Variants in NTMT2 observed in about 807,000 individuals in gnomAD.
NTMT2 encodes X-Pro-Lys N-terminal protein methyltransferase 1B.
In NTMT2, 21 loss-of-function variants were observed where a neutral mutation model predicts 23.4. The ratio of observed to expected loss-of-function variants is 0.90; its 90% CI spans 0.64 to 1.29. The LOEUF is 1.29. Ranked by LOEUF, NTMT2 falls within the 50% of genes most tolerant of loss-of-function variation. NTMT2 has a pLI of 0.00. For synonymous variants in NTMT2, 131 were observed against 127.7 expected, an observed-to-expected ratio of 1.03 and a Z score of -0.17; for missense variants, 336 against 352.0, an observed-to-expected ratio of 0.95 and a Z score of 0.36.
At position 170,166,796 on chromosome 1, in the gene NTMT2, C is replaced by A. The variant is rs750446009; in HGVS notation, c.580+45C>A. On this transcript the variant is annotated intron_variant, in intron 3 of 3. Transcript: ENST00000439373. The stretch of plus-strand genomic sequence containing the variant: ...CCCTCTGCTTTTCTCCCCTTCTCAG[C>A]CAGAGAAGACAGTCCTTGGGGCTAA... The A allele has an allele frequency of 3.2e-6, 5 of 1,543,260 alleles. No homozygotes were observed. The Admixed American group carries it at 5.9e-5, about 18-fold the overall frequency.
chr1:170,160,715 T>A, intron 2 of NTMT2, 22 bp downstream of exon 2: 1 of 1,503,812 alleles, frequency 6.6e-7, no homozygotes, highest in East Asian at 2.5e-5. Context: ...AACTGCAGCT[T>A]GATGAGAAGG....
At chr1:170,154,832 A>T (rs1305291604) in intron 1 of NTMT2, among the ~76,000 whole-genome samples, 10 of 152,132 alleles carry the variant, frequency 6.6e-5, no homozygotes, top group African/African-American at 2.2e-4. Flanking sequence ...GGGCAGAATC[A>T]TATGGTTTGG....
intron 1 of NTMT2, among the ~76,000 whole-genome samples, chr1:170,147,087 C>T (rs1168542998): frequency 6.6e-6 from 1 of 152,184 alleles, no homozygotes; most frequent in Non-Finnish European, 1.5e-5. Flanking sequence ...TTGAAAGCCC[C>T]ATTGTGCACT....
intron 1 of NTMT2, among the ~76,000 whole-genome samples, chr1:170,155,347 C>T (rs1673144369): frequency 6.6e-6 from 1 of 152,034 alleles, no homozygotes; most frequent in East Asian, 1.9e-4. Flanking sequence ...GAATGTCTTA[C>T]TCCAACTTTT....
intron 1 of NTMT2, among the ~76,000 whole-genome samples, chr1:170,146,988 G>T (rs942557375): frequency 1.3e-5 from 2 of 152,184 alleles, no homozygotes; most frequent in African/African-American, 4.8e-5. Flanking sequence ...CCATTAAAGA[G>T]TAAAATACCC....
intron 3 of NTMT2, 99 bp downstream of exon 3, chr1:170,166,850 G>C (rs998621613): frequency 4.9e-5 from 64 of 1,313,802 alleles, no homozygotes; most frequent in Non-Finnish European, 6.6e-5. Context: ...GTTAGCTGTA[G>C]TACTTCAAGC....
chr1:170,163,916 G>A lies in NTMT2; in HGVS notation c.331-2586G>A, dbSNP rs199930530. Among the ~76,000 whole-genome samples, 74 of 152,262 alleles carry A rather than the reference G, an allele frequency of 4.9e-4. 1 individual carries two copies. The East Asian group carries it at 0.013, about 27-fold the overall frequency. On this transcript the variant is annotated intron_variant, in intron 2 of 3. Coordinates refer to ENST00000439373, the MANE Select transcript of NTMT2 (RefSeq NM_001136107.2). ...GCGGGTGGCTCACCTGAGGTCAGGA[G>A]TTCCAGACCAGGCTGGCCAACATGG...
At chr1:170,147,107 C>T (rs1672978415) in intron 1 of NTMT2, among the ~76,000 whole-genome samples, 1 of 152,184 alleles carries the variant, frequency 6.6e-6, no homozygotes, top group African/African-American at 2.4e-5. Context: ...TTGATGTGGT[C>T]AGGGTTTCCA....
chr1:170,156,529 A>G (rs979263889), intron 1 of NTMT2, among the ~76,000 whole-genome samples: 1 of 152,174 alleles, frequency 6.6e-6, no homozygotes, highest in African/African-American at 2.4e-5. Flanking sequence ...CATTAAATAA[A>G]AAACAAATAG....
intron 1 of NTMT2, 63 bp downstream of exon 1, chr1:170,146,324 TG>T: frequency 6.9e-7 from 1 of 1,440,642 alleles, no homozygotes. Flanking sequence ...CATGAGGTCA[TG>T]GGGCTTCTAG....
Position 170,161,216 on chromosome 1 carries a change from G to A in NTMT2, c.330+523G>A, listed in dbSNP as rs918173224. On this transcript the variant is annotated intron_variant, in intron 2 of 3. Transcript: ENST00000439373. ...TGGGAGGCTGAGGCAGGAGAATGGC[G>A]TGAACCTGGGAGGCAGAGCTTGCAG... 4.6e-5 allele frequency among the ~76,000 whole-genome samples: 7 copies of A among 151,604 alleles called. No individual in the cohort carries two copies. In the Middle Eastern group the frequency reaches 0.01, roughly 221 times the overall value.
intron 2 of NTMT2, among the ~76,000 whole-genome samples, chr1:170,161,904 A>G (rs1444198324): frequency 2.0e-5 from 3 of 152,146 alleles, no homozygotes; most frequent in Non-Finnish European, 4.4e-5. Context: ...AGCCTGGCCA[A>G]TATGGTGAAA....
intron 2 of NTMT2, 126 bp downstream of exon 2, chr1:170,160,819 C>A: frequency 1.3e-6 from 1 of 742,550 alleles, no homozygotes; most frequent in Non-Finnish European, 2.0e-6. Flanking sequence ...CTGCCGCCTG[C>A]AAGCCGGTTT....
Position 170,166,741 on chromosome 1 carries a change from G to A in NTMT2, c.570G>A (p.Gln190=). The A allele has an allele frequency of 1.3e-6, 2 of 1,552,328 alleles. No homozygotes were observed. The highest frequency in any genetic ancestry group is 1.2e-5 in the South Asian group (1 of 84,056). The part of the protein sequence containing the change: ...PFRRYDVIWI[Q]WVSGHLTDKD... The stretch of plus-strand genomic sequence containing the variant: ...GGAGATATGATGTCATCTGGATTCA[G>A]TGGGTCTCTGGTTAGTCCTGCATGA... The change falls in exon 3 of 4, where the codon CAG becomes CAA. Residue 190 remains glutamine (Q), a synonymous_variant. Coordinates refer to ENST00000439373, the MANE Select transcript of NTMT2 (RefSeq NM_001136107.2).
intron 1 of NTMT2, among the ~76,000 whole-genome samples, chr1:170,159,147 G>A (rs1425304488): frequency 6.6e-6 from 1 of 152,124 alleles, no homozygotes; most frequent in African/African-American, 2.4e-5. Context: ...AAGACAAGAA[G>A]CCCTACATGT....
chr1:170,155,084 C>G (rs1369531698), intron 1 of NTMT2, among the ~76,000 whole-genome samples: 1 of 152,120 alleles, frequency 6.6e-6, no homozygotes, highest in African/African-American at 2.4e-5. Flanking sequence ...TAAAAACTCC[C>G]TAAGACCTCC....
intron 1 of NTMT2, among the ~76,000 whole-genome samples, chr1:170,147,185 A>G (rs1672979744): frequency 6.6e-6 from 1 of 152,154 alleles, no homozygotes; most frequent in Non-Finnish European, 1.5e-5. Flanking sequence ...GCCTACCAAA[A>G]CCTTTTTGTA....
rs1170469397 is a variant in NTMT2 at position 170,146,030 on chromosome 1, A to G, written c.-78A>G. 22 of 1,342,934 alleles carry G rather than the reference A, an allele frequency of 1.6e-5. No individual in the cohort carries two copies. The highest frequency in any genetic ancestry group is 2.1e-5 in the Non-Finnish European group (21 of 986,670). The allele number at this position is 1,342,934 out of a possible 1,614,324, so 83.2% of individuals were successfully genotyped here. A position where few individuals can be genotyped will look rare whatever the true frequency, so the allele number is the denominator to read the frequency against. On this transcript the variant is annotated 5_prime_UTR_variant, in exon 1 of 4. Transcript: ENST00000439373. ...TAAAATGACAGTCTCAAGTTCATTTAGAAAGAGAAGGCTAATTCAAAGAAA... is the reference window on the plus strand; with the variant it reads ...TAAAATGACAGTCTCAAGTTCATTTGGAAAGAGAAGGCTAATTCAAAGAAA...
At chr1:170,153,985 G>A (rs959690803) in intron 1 of NTMT2, among the ~76,000 whole-genome samples, 33 of 152,218 alleles carry the variant, frequency 2.2e-4, no homozygotes, top group African/African-American at 7.2e-4. Context: ...CTGGTTTCAG[G>A]GGACCAGGCC....
Sources: allele counts gnomAD v4.1 joint callset (sites outside exome capture counted in the v4.1 genomes callset), GRCh38; gene constraint gnomAD v4.1.1; transcripts MANE v1.5; gene names NCBI Gene and HGNC (gene_info 2026-07-23, HGNC 2026-07-21).